Variants in KCNMA1 observed in about 807,000 individuals in gnomAD.
KCNMA1 encodes Calcium-activated potassium channel subunit alpha-1.
In KCNMA1, 29 loss-of-function variants were observed where a neutral mutation model predicts 140.0. The observed-to-expected ratio is 0.21, with a 90% CI of 0.15 to 0.28. KCNMA1 has a LOEUF of 0.28. Ranked by LOEUF, KCNMA1 falls within the 10% of genes least tolerant of loss-of-function variation. KCNMA1 has a pLI of 1.00. For synonymous variants in KCNMA1, 612 were observed against 611.9 expected (o/e 1.00, Z 0.00); for missense variants, 880 against 1,602.2 (o/e 0.55, Z 7.70).
intron 2 of KCNMA1, among the ~76,000 whole-genome samples, chr10:77,348,466 C>T (rs1475685215): frequency 6.6e-6 from 1 of 152,120 alleles, no homozygotes; most frequent in Non-Finnish European, 1.5e-5. Flanking sequence ...TGAATGAAGG[C>T]CCACAGAAGT....
At chr10:77,367,025 G>A (rs1410805932) in intron 2 of KCNMA1, among the ~76,000 whole-genome samples, 2 of 152,216 alleles carry the variant, frequency 1.3e-5, no homozygotes, top group African/African-American at 2.4e-5. Flanking sequence ...TTCCTAGGGA[G>A]AGAAACATCT....
intron 1 of KCNMA1, among the ~76,000 whole-genome samples, chr10:77,475,365 G>T (rs934368356): frequency 1.3e-5 from 2 of 152,162 alleles, no homozygotes; most frequent in African/African-American, 4.8e-5. Context: ...ACAAACCTAG[G>T]TGCCACATTA....
At chr10:77,102,534 A>G (rs1181698349) in intron 9 of KCNMA1, among the ~76,000 whole-genome samples, 1 of 152,250 alleles carries the variant, frequency 6.6e-6, no homozygotes, top group Admixed American at 6.5e-5. Context: ...AGCACTGCTC[A>G]GGCAGGTTGG....
chr10:77,279,373 G>A (rs1409576655), intron 2 of KCNMA1, among the ~76,000 whole-genome samples: 2 of 152,268 alleles, frequency 1.3e-5, no homozygotes, highest in Non-Finnish European at 2.9e-5. Context: ...GAAGTGAATG[G>A]TGAGAAGAGA....
intron 1 of KCNMA1, among the ~76,000 whole-genome samples, chr10:77,633,114 A>G (rs2093384872): frequency 6.6e-6 from 1 of 152,190 alleles, no homozygotes; most frequent in Admixed American, 6.5e-5. Context: ...CAGGAGATCA[A>G]GACAATCCTG....
At chr10:76,965,350 A>G (rs1245004124) in intron 20 of KCNMA1, among the ~76,000 whole-genome samples, 1 of 152,164 alleles carries the variant, frequency 6.6e-6, no homozygotes, top group Non-Finnish European at 1.5e-5. Flanking sequence ...TTAGCACACA[A>G]ACGGCCTTGG....
chr10:77,476,844 A>G (rs1331849068), intron 1 of KCNMA1, among the ~76,000 whole-genome samples: 2 of 152,240 alleles, frequency 1.3e-5, no homozygotes, highest in Non-Finnish European at 2.9e-5. Flanking sequence ...CTACTGACTT[A>G]TATGCCATAA....
chr10:76,885,127 C>T lies in KCNMA1; in HGVS notation c.*2139G>A, dbSNP rs200135275. ...CTTATAGTTATAAATGTTCTGAGGG[C>T]GTAACTTTATAACCTCCTTTGCAAA... is the stretch of plus-strand genomic sequence containing the variant. On this transcript the variant is annotated 3_prime_UTR_variant, in exon 28 of 28. Coordinates refer to ENST00000286628, the MANE Select transcript of KCNMA1 (RefSeq NM_001161352.2). The T allele has an allele frequency of 8.5e-5, 123 of 1,453,978 alleles. No individual in the cohort carries two copies. Among genetic ancestry groups the T allele is most frequent in the Middle Eastern group, 3.6e-4 (2 of 5,610 alleles). The allele number at this position is 1,453,978 out of a possible 1,614,324, so 90.1% of individuals were successfully genotyped here. A position where few individuals can be genotyped will look rare whatever the true frequency, so the allele number is the denominator to read the frequency against.
chr10:77,555,833 G>A (rs1166164663), intron 1 of KCNMA1, among the ~76,000 whole-genome samples: 1 of 148,312 alleles, frequency 6.7e-6, no homozygotes, highest in East Asian at 2.0e-4. Flanking sequence ...GGAGAGGTTA[G>A]TGCTAGAGAG....
At chr10:76,974,425 T>C (rs1456637504) in intron 19 of KCNMA1, 7 of 977,618 alleles carry the variant, frequency 7.2e-6, no homozygotes, top group Non-Finnish European at 1.1e-5. Flanking sequence ...CATGGTAAAG[T>C]AGAATGTTGA....
chr10:77,211,693 G>T (rs142908350), intron 3 of KCNMA1, among the ~76,000 whole-genome samples: 21 of 152,032 alleles, frequency 1.4e-4, no homozygotes, highest in African/African-American at 4.8e-4. Context: ...GAAAATATTC[G>T]CAAACTATGC....
At chr10:77,169,252 G>A (rs1026871286) in intron 5 of KCNMA1, among the ~76,000 whole-genome samples, 1 of 152,160 alleles carries the variant, frequency 6.6e-6, no homozygotes, top group Non-Finnish European at 1.5e-5. Flanking sequence ...GGAGTGGTTG[G>A]TAAGTAGGCT....
chr10:76,962,217 T>C (rs1170676578), intron 20 of KCNMA1, among the ~76,000 whole-genome samples: 1 of 152,200 alleles, frequency 6.6e-6, no homozygotes, highest in East Asian at 1.9e-4. Flanking sequence ...GGCACTGGGT[T>C]CAACGCTGGA....
chr10:77,475,309 G>C (rs146095931), intron 1 of KCNMA1, among the ~76,000 whole-genome samples: 84 of 152,298 alleles, frequency 5.5e-4, no homozygotes, highest in African/African-American at 1.9e-3. Flanking sequence ...GGCAAGGCAA[G>C]GTGGGTCTTC....
At chr10:76,934,292 AT>A (rs1317533583) in intron 23 of KCNMA1, among the ~76,000 whole-genome samples, 4 of 151,956 alleles carry the variant, frequency 2.6e-5, no homozygotes, top group African/African-American at 4.8e-5. Context: ...TTATTTCTTT[AT>A]TTTTTTCTTG....
chr10:77,423,467 G>C (rs1460787373), intron 1 of KCNMA1, among the ~76,000 whole-genome samples: 2 of 152,130 alleles, frequency 1.3e-5, no homozygotes, highest in Non-Finnish European at 2.9e-5. Context: ...GAAATATAAG[G>C]GGTATAATTT....
intron 3 of KCNMA1, among the ~76,000 whole-genome samples, chr10:77,192,996 A>G (rs138483157): frequency 5.9e-5 from 9 of 152,300 alleles, no homozygotes; most frequent in East Asian, 1.9e-4. Flanking sequence ...AGAGAAAGCC[A>G]TAAGTCACTT....
intron 15 of KCNMA1, 131 bp downstream of exon 15, chr10:77,039,397 C>T (rs1465205346): frequency 1.4e-6 from 1 of 712,036 alleles, no homozygotes; most frequent in Non-Finnish European, 2.6e-6. Flanking sequence ...TCACATGGGG[C>T]CGAGCACACG....
chr10:77,196,304 G>A (rs1009898616), intron 3 of KCNMA1, among the ~76,000 whole-genome samples: 1 of 152,056 alleles, frequency 6.6e-6, no homozygotes, highest in Non-Finnish European at 1.5e-5. Context: ...TGTTTTTCTG[G>A]GAAAGAGGAA....
Sources: gnomAD v4.1 joint callset for allele counts (sites outside exome capture counted in the v4.1 genomes callset) on GRCh38, gnomAD v4.1.1 for gene constraint, MANE v1.5 for transcripts, NCBI Gene and HGNC (gene_info 2026-07-23, HGNC 2026-07-21) for gene names.